GOLGA8A: variants seen among roughly 807,000 people sequenced by gnomAD.
GOLGA8A encodes golgin A8 family member A.
GOLGA8A carries 3 observed loss-of-function variants against 22.1 expected under a neutral mutation model. The observed-to-expected ratio is 0.14, with a 90% CI of 0.06 to 0.35. The LOEUF is 0.35. Among genes scored for constraint, GOLGA8A ranks in the 10% least tolerant of loss-of-function variants. The probability of loss-of-function intolerance (pLI) is 1.00; values close to 1 mark genes in which losing one functional copy is unlikely to be tolerated. For synonymous variants in GOLGA8A, 7 were observed against 91.7 expected (o/e 0.08, Z 5.28); for missense variants, 16 against 233.2 (o/e 0.07, Z 6.07).
intron 2 of GOLGA8A, among the ~76,000 whole-genome samples, chr15:34,427,804 C>G (rs1040121635): frequency 2.0e-5 from 3 of 148,026 alleles, no homozygotes; most frequent in African/African-American, 7.5e-5. Flanking sequence ...CTCTACTCCC[C>G]AGCCCATCAG....
At position 34,379,974 on chromosome 15, in the gene GOLGA8A, CAT is replaced by C. The variant is rs1420624539; in HGVS notation, c.*1435_*1436del. Reference sequence around the variant, plus strand: ...AAATACAACTCTGCGATCGTATAGACATGTTTCCTGATAATACAGACATTCAC... The same window carrying C: ...AAATACAACTCTGCGATCGTATAGACGTTTCCTGATAATACAGACATTCAC... On this transcript the variant is annotated 3_prime_UTR_variant, in exon 25 of 25. Coordinates refer to ENST00000359187, the MANE Select transcript of GOLGA8A (RefSeq NM_181077.5). 1 of 152,658 alleles carries C rather than the reference CAT, an allele frequency of 6.6e-6. No homozygotes were observed. Among genetic ancestry groups the C allele is most frequent in the African/African-American group, 2.4e-5 (1 of 41,470 alleles). The allele number at this position is 152,658 out of a possible 1,614,324, so 9.5% of individuals were successfully genotyped here. A position where few individuals can be genotyped will look rare whatever the true frequency, so the allele number is the denominator to read the frequency against.
rs546057449 is a variant in GOLGA8A at position 34,422,691 on chromosome 15, G to A, written c.-1123+12692C>T. ...TGCCATGCCTGCTACTTGGCCTTGT[G>A]TACGCTCGCGCTCGTGCGCTTGTGC... On this transcript the variant is annotated intron_variant, in intron 2 of 24. Coordinates refer to ENST00000359187, the MANE Select transcript of GOLGA8A (RefSeq NM_181077.5). 3.8e-4 allele frequency among the ~76,000 whole-genome samples: 33 copies of A among 86,426 alleles called. 5 individuals carry two copies. In the East Asian group the frequency reaches 9.6e-3, roughly 25 times the overall value. The allele number at this position is 86,426 out of a possible 152,430, so 56.7% of individuals were successfully genotyped here. A position where few individuals can be genotyped will look rare whatever the true frequency, so the allele number is the denominator to read the frequency against.
chr15:34,400,875 T>C (rs1432578441), intron 5 of GOLGA8A, 116 bp from the exon 6 acceptor site: 1 of 121,782 alleles, frequency 8.2e-6, no homozygotes, highest in East Asian at 2.2e-4. Context: ...ACGAAGCTTT[T>C]AGAAAACTAC....
At chr15:34,386,143 G>A (rs1891704256) in intron 12 of GOLGA8A, among the ~76,000 whole-genome samples, 1 of 148,014 alleles carries the variant, frequency 6.8e-6, no homozygotes, top group African/African-American at 2.7e-5. Context: ...AGCCGATATA[G>A]GATGGAAAAG....
At chr15:34,420,786 G>A (rs1334806326) in intron 2 of GOLGA8A, among the ~76,000 whole-genome samples, 1 of 129,330 alleles carries the variant, frequency 7.7e-6, no homozygotes, top group African/African-American at 2.9e-5. Context: ...AGTGGCTCAG[G>A]TGCCCATTCA....
chr15:34,425,273 G>C (rs907335072), intron 2 of GOLGA8A, among the ~76,000 whole-genome samples: 1 of 148,034 alleles, frequency 6.8e-6, no homozygotes, highest in Non-Finnish European at 1.5e-5. Flanking sequence ...AATTAGAATG[G>C]AGAATCCAGA....
intron 2 of GOLGA8A, chr15:34,420,005 G>C (rs1035590184): frequency 1.3e-5 from 2 of 148,838 alleles, no homozygotes; most frequent in Admixed American, 6.8e-5. Flanking sequence ...GCAAGATGAA[G>C]AAAGTTCTGG....
At chr15:34,429,873 T>C (rs116878443) in intron 2 of GOLGA8A, among the ~76,000 whole-genome samples, 12,643 of 146,678 alleles carry the variant, frequency 0.086, 1,263 homozygotes, top group South Asian at 0.22. Flanking sequence ...ACCAGGTTAG[T>C]GTCCCGCACC....
intron 2 of GOLGA8A, chr15:34,420,003 AAG>A (rs1450189238): frequency 2.0e-5 from 3 of 148,698 alleles, no homozygotes; most frequent in Non-Finnish European, 3.0e-5. Flanking sequence ...TTGCAAGATG[AAG>A]AAAGTTCTGG....
At chr15:34,418,970 T>C (rs943175243) in intron 2 of GOLGA8A, 1 of 141,708 alleles carries the variant, frequency 7.1e-6, no homozygotes. Context: ...AATGGTGTGA[T>C]CTTGGCTCAC....
intron 2 of GOLGA8A, among the ~76,000 whole-genome samples, chr15:34,414,604 G>A (rs961517586): frequency 8.4e-6 from 1 of 119,202 alleles, no homozygotes; most frequent in Non-Finnish European, 1.7e-5. Context: ...AGGGCTTCTT[G>A]CTTTTAAGTT....
chr15:34,420,216 G>A (rs76072185), intron 2 of GOLGA8A: 1 of 146,474 alleles, frequency 6.8e-6, no homozygotes, highest in African/African-American at 2.5e-5. Context: ...TCTCCCAGAA[G>A]TTTTCCTCCA....
rs1339640484 is a variant in GOLGA8A, at chr15:34,380,723, A to G, written c.*688T>C. On this transcript the variant is annotated 3_prime_UTR_variant, in exon 25 of 25. Transcript: ENST00000359187. Reference sequence around the variant, plus strand: ...CTCATTCTTGGCACCGGAACAGATGAAACACACTGTATCCTGCACATACCT... The same window carrying G: ...CTCATTCTTGGCACCGGAACAGATGGAACACACTGTATCCTGCACATACCT... 3 of 163,782 alleles carry G rather than the reference A, an allele frequency of 1.8e-5. No homozygotes were observed. The highest frequency in any genetic ancestry group is 7.2e-5 in the African/African-American group (3 of 41,472). The allele number at this position is 163,782 out of a possible 1,614,324, so 10.1% of individuals were successfully genotyped here. A position where few individuals can be genotyped will look rare whatever the true frequency, so the allele number is the denominator to read the frequency against.
chr15:34,385,858 C>CCAGG (rs1891686952), intron 12 of GOLGA8A, 80 bp from the exon 13 acceptor site: 1 of 621,262 alleles, frequency 1.6e-6, no homozygotes, highest in African/African-American at 2.8e-5. Context: ...CAGGCAGGGG[C>CCAGG]CAGGAATGGA....
rs1442697867 is a variant in GOLGA8A, at chr15:34,400,828, T to C, written c.-574-69A>G. 4.2e-5 allele frequency: 6 copies of C among 141,738 alleles called. 1 individual carries two copies. Among genetic ancestry groups the C allele is most frequent in the Admixed American group, 7.1e-5 (1 of 14,042 alleles). 8.8% of individuals were successfully genotyped at this position (141,738 alleles called of 1,614,324 possible). On this transcript the variant is annotated intron_variant, in intron 5 of 24. Coordinates refer to ENST00000359187, the MANE Select transcript of GOLGA8A (RefSeq NM_181077.5). ...ATCAAGAAAGTTCAATCATAAGATA[T>C]ATCCACAAGCAAAAATATACACACA...
Position 34,433,314 on chromosome 15 carries a change from G to C in GOLGA8A, c.-1123+2069C>G, listed in dbSNP as rs1172599228. ...GGGAAGGGAATCTGGGCGTGGGGGTGCCTCCTTCCAAAGTGCATCCACATC... is the reference window on the plus strand; with the variant it reads ...GGGAAGGGAATCTGGGCGTGGGGGTCCCTCCTTCCAAAGTGCATCCACATC... On this transcript the variant is annotated intron_variant, in intron 2 of 24. Transcript: ENST00000359187. Among the ~76,000 whole-genome samples the C allele has an allele frequency of 2.0e-5, 3 of 148,996 alleles. 1 individual carries two copies. Among genetic ancestry groups the C allele is most frequent in the African/African-American group, 7.4e-5 (3 of 40,330 alleles).
chr15:34,433,339 C>T (rs571359902), intron 2 of GOLGA8A, among the ~76,000 whole-genome samples: 1 of 149,028 alleles, frequency 6.7e-6, no homozygotes, highest in East Asian at 2.0e-4. Context: ...GCATCCACAT[C>T]CGAGGTGACT....
intron 2 of GOLGA8A, chr15:34,417,913 T>C (rs1892638350): frequency 7.0e-6 from 1 of 142,460 alleles, no homozygotes; most frequent in South Asian, 2.6e-4. Flanking sequence ...TTGGCATCTC[T>C]TGGGTAGAGG....
intron 2 of GOLGA8A, among the ~76,000 whole-genome samples, chr15:34,408,515 T>G (rs1892272049): frequency 1.0e-5 from 1 of 96,028 alleles, no homozygotes; most frequent in East Asian, 3.6e-4. Flanking sequence ...ACACTGTATC[T>G]CATGAACACA....
Sources: allele counts gnomAD v4.1 joint callset (sites outside exome capture counted in the v4.1 genomes callset), GRCh38; gene constraint gnomAD v4.1.1; transcripts MANE v1.5; gene names NCBI Gene and HGNC (gene_info 2026-07-23, HGNC 2026-07-21).